The following PPARGC1B variants were observed in gnomAD, a reference collection of about 807,000 sequenced individuals.
PPARGC1B encodes the protein PPARG coactivator 1 beta.
Under a neutral mutation model 101.6 loss-of-function variants are expected in PPARGC1B, and 34 were observed. That is an observed-to-expected ratio of 0.33 (90% CI 0.25 to 0.45). PPARGC1B has a LOEUF of 0.45. Ranked by LOEUF, PPARGC1B falls within the 20% of genes least tolerant of loss-of-function variation. The pLI, the probability that PPARGC1B is intolerant of heterozygous loss-of-function variation, is 1.00. For missense variants in PPARGC1B, 1,234 were observed against 1,317.6 expected (o/e 0.94, Z 0.98); for synonymous variants, 548 against 539.3 (o/e 1.02, Z -0.22).
intron 1 of PPARGC1B, among the ~76,000 whole-genome samples, chr5:149,751,834 A>G (rs1174105055): frequency 2.0e-5 from 3 of 152,134 alleles, no homozygotes; most frequent in African/African-American, 7.2e-5. Context: ...CCTTGGGCAC[A>G]CTTTTCTCAC....
Position 149,775,001 on chromosome 5 carries a change from G to A in PPARGC1B, c.78+44581G>A, listed in dbSNP as rs553982450. ...AGCCGGGCGAGCTGCAGCCACAGCA[G>A]GCAGGGGAAACTGGTTCCACAATTC... On this transcript the variant is annotated intron_variant, in intron 1 of 11. Coordinates refer to ENST00000309241, the MANE Select transcript of PPARGC1B (RefSeq NM_133263.4). 3.3e-5 allele frequency among the ~76,000 whole-genome samples: 5 copies of A among 152,308 alleles called. No individual in the cohort carries two copies. The East Asian group carries it at 9.6e-4, about 29-fold the overall frequency.
intron 4 of PPARGC1B, among the ~76,000 whole-genome samples, chr5:149,831,206 G>A (rs781449332): frequency 2.6e-5 from 4 of 152,188 alleles, no homozygotes; most frequent in Admixed American, 2.0e-4. Flanking sequence ...GCAAGATTGC[G>A]CTGGTTGTGG....
Position 149,771,213 on chromosome 5 carries a change from A to G in PPARGC1B, c.78+40793A>G, listed in dbSNP as rs76911308. On this transcript the variant is annotated intron_variant, in intron 1 of 11. Coordinates refer to ENST00000309241, the MANE Select transcript of PPARGC1B (RefSeq NM_133263.4). ...GCCGGCCACCATTTTCCCTGCAGGC[A>G]GCCACTGCCTGGTCACACCTTGGGT... is the stretch of plus-strand genomic sequence containing the variant. Among the ~76,000 whole-genome samples, 1,009 of 152,304 alleles carry G rather than the reference A, an allele frequency of 6.6e-3. 9 individuals are homozygous for G. Among genetic ancestry groups the G allele is most frequent in the African/African-American group, 0.023 (955 of 41,562 alleles).
intron 1 of PPARGC1B, among the ~76,000 whole-genome samples, chr5:149,750,453 A>AAAAAAT (rs1223165218): frequency 9.7e-5 from 12 of 123,226 alleles, no homozygotes; most frequent in Non-Finnish European, 1.7e-5. Context: ...TTTTAGTTAA[A>AAAAAAT]ATATATATAT....
intron 1 of PPARGC1B, among the ~76,000 whole-genome samples, chr5:149,806,608 CTTTTTTTTTT>C (rs10534197): frequency 6.8e-6 from 1 of 147,110 alleles, no homozygotes; most frequent in African/African-American, 2.5e-5. Context: ...GTCTCTGGGA[CTTTTTTTTTT>C]TTTTTTTTGA....
chr5:149,781,892 G>C lies in PPARGC1B; in HGVS notation c.79-38541G>C, dbSNP rs187148910. 7.2e-5 allele frequency among the ~76,000 whole-genome samples: 11 copies of C among 152,264 alleles called. 1 individual carries two copies. Among genetic ancestry groups the C allele is most frequent in the Admixed American group, 6.5e-4 (10 of 15,306 alleles). On this transcript the variant is annotated intron_variant, in intron 1 of 11. Coordinates refer to ENST00000309241, the MANE Select transcript of PPARGC1B (RefSeq NM_133263.4). ...ACCCTGACAGGACTTGGCCTGTGAGGTAAACTCTATTTGCCATTCCTTAGT... is the reference window on the plus strand; with the variant it reads ...ACCCTGACAGGACTTGGCCTGTGAGCTAAACTCTATTTGCCATTCCTTAGT...
chr5:149,744,060 T>G (rs1410953608), intron 1 of PPARGC1B, among the ~76,000 whole-genome samples: 1 of 152,156 alleles, frequency 6.6e-6, no homozygotes, highest in Non-Finnish European at 1.5e-5. Flanking sequence ...GCAGGCTGCC[T>G]GCACTCATGA....
At chr5:149,790,221 C>G (rs1756966064) in intron 1 of PPARGC1B, among the ~76,000 whole-genome samples, 1 of 152,062 alleles carries the variant, frequency 6.6e-6, no homozygotes, top group African/African-American at 2.4e-5. Context: ...GTGCAGAGGT[C>G]AAAAGGACCA....
chr5:149,855,994 G>C (rs1025270290), downstream of PPARGC1B, among the ~76,000 whole-genome samples: 1 of 152,124 alleles, frequency 6.6e-6, no homozygotes, highest in Non-Finnish European at 1.5e-5. Flanking sequence ...AGGGGCGCCT[G>C]TAATCCCAGC....
chr5:149,741,771 G>A (rs1250936530), intron 1 of PPARGC1B, among the ~76,000 whole-genome samples: 1 of 152,016 alleles, frequency 6.6e-6, no homozygotes, highest in Non-Finnish European at 1.5e-5. Flanking sequence ...GGGATTACAG[G>A]CGTCTGCCAC....
At chr5:149,786,004 G>A (rs1756792504) in intron 1 of PPARGC1B, among the ~76,000 whole-genome samples, 2 of 149,436 alleles carry the variant, frequency 1.3e-5, no homozygotes, top group South Asian at 2.1e-4. Context: ...CTGTAGCCTC[G>A]ACCTCCCGGG....
Position 149,753,268 on chromosome 5 carries a change from G to A in PPARGC1B, c.78+22848G>A, listed in dbSNP as rs540559921. Among the ~76,000 whole-genome samples, 56 of 152,228 alleles carry A rather than the reference G, an allele frequency of 3.7e-4. 3 individuals are homozygous for A. The highest frequency in any genetic ancestry group is 3.3e-4 in the Admixed American group (5 of 15,288). ...GTTGCCCAGGCTGGAGTGCAGTGGC[G>A]TGATCTCGGCTCACAGCAACCTCTG... On this transcript the variant is annotated intron_variant, in intron 1 of 11. Transcript: ENST00000309241.
At chr5:149,785,589 G>C (rs1007593479) in intron 1 of PPARGC1B, among the ~76,000 whole-genome samples, 1 of 152,198 alleles carries the variant, frequency 6.6e-6, no homozygotes, top group Admixed American at 6.5e-5. Context: ...ATTATAGAGA[G>C]CCTGCTGTGC....
chr5:149,730,426 G>T lies in PPARGC1B; in HGVS notation c.78+6G>T. The T allele has an allele frequency of 6.5e-7, 1 of 1,545,676 alleles. No homozygotes were observed. The highest frequency in any genetic ancestry group is 8.7e-7 in the Non-Finnish European group (1 of 1,147,970). On this transcript the variant is annotated splice_donor_region_variant and intron_variant, in intron 1 of 11. Coordinates refer to ENST00000309241, the MANE Select transcript of PPARGC1B (RefSeq NM_133263.4). This position sits in a 1 kb window ranked among gnomAD's most constrained non-coding sequence, Gnocchi z 4.0. ...ACTATCTCGCTGACACGCAGGTACG[G>T]CCGGCTGGGGCTGCGGGCCCGGGGC...
At chr5:149,803,715 A>T (rs1274107842) in intron 1 of PPARGC1B, among the ~76,000 whole-genome samples, 1 of 151,938 alleles carries the variant, frequency 6.6e-6, no homozygotes, top group Non-Finnish European at 1.5e-5. Flanking sequence ...CTGCAGTGCC[A>T]CCCCCACCCC....
chr5:149,830,918 T>C, intron 4 of PPARGC1B, 35 bp downstream of exon 4: 6 of 1,438,260 alleles, frequency 4.2e-6, no homozygotes, highest in Non-Finnish European at 5.9e-6. Context: ...CTACCCCAGG[T>C]GTCTGTTGGG....
At chr5:149,826,999 C>G in intron 3 of PPARGC1B, 114 bp downstream of exon 3, 1 of 823,290 alleles carries the variant, frequency 1.2e-6, no homozygotes, top group Non-Finnish European at 2.0e-6. Flanking sequence ...CCGTGCATCA[C>G]TGGCAATATT....
chr5:149,846,036 T>C, intron 11 of PPARGC1B, 122 bp downstream of exon 11: 2 of 1,171,506 alleles, frequency 1.7e-6, no homozygotes, highest in Non-Finnish European at 2.5e-6. Context: ...CACACCCCAG[T>C]GTGCTGCTTG....
intron 1 of PPARGC1B, among the ~76,000 whole-genome samples, chr5:149,788,278 C>T (rs1299456670): frequency 6.6e-6 from 1 of 152,216 alleles, no homozygotes; most frequent in Non-Finnish European, 1.5e-5. Flanking sequence ...TATGAACAGA[C>T]ACTTCTCAAA....
Sources: allele counts gnomAD v4.1 joint callset (sites outside exome capture counted in the v4.1 genomes callset), GRCh38; gene constraint gnomAD v4.1.1; non-coding constraint Gnocchi (gnomAD v3.1); transcripts MANE v1.5; gene names NCBI Gene and HGNC (gene_info 2026-07-23, HGNC 2026-07-21).